Variants in MTAP observed in about 807,000 individuals in gnomAD.
The protein encoded by MTAP is S-methyl-5'-thioadenosine phosphorylase.
In MTAP, 33 loss-of-function variants were observed where a neutral mutation model predicts 33.6. The ratio of observed to expected loss-of-function variants is 0.98; its 90% CI spans 0.74 to 1.31. The LOEUF is 1.31. Ranked by LOEUF, MTAP falls within the 40% of genes most tolerant of loss-of-function variation. The pLI, the probability that MTAP is intolerant of heterozygous loss-of-function variation, is 0.00. For synonymous variants in MTAP, 148 were observed against 125.7 expected (o/e 1.18, Z -1.19); for missense variants, 367 against 360.0 (o/e 1.02, Z -0.16).
intron 4 of MTAP, among the ~76,000 whole-genome samples, chr9:21,820,566 A>G (rs902547738): frequency 3.3e-5 from 5 of 152,198 alleles, no homozygotes; most frequent in Non-Finnish European, 5.9e-5. Context: ...GTTTGAAGTC[A>G]GGTAGTGAGA....
intron 1 of MTAP, among the ~76,000 whole-genome samples, chr9:21,906,639 A>G (rs559062864): frequency 2.8e-4 from 43 of 152,338 alleles, no homozygotes; most frequent in Admixed American, 1.4e-3. Context: ...GCCAAATTAT[A>G]GAAACACTTA....
rs1024029427 is a variant in MTAP at position 21,885,822 on chromosome 9, A to G, written c.147+30952A>G. ...TGTGTGTGTGTGTGTGTGTGTGTGT[A>G]TACAGATCACATTTTCTTCATCCAC... On this transcript the variant is annotated intron_variant, in intron 1 of 1. Transcript: ENST00000577563. Among the ~76,000 whole-genome samples, 47 of 130,910 alleles carry G rather than the reference A, an allele frequency of 3.6e-4. No individual in the cohort carries two copies. The South Asian group carries it at 9.9e-3, about 28-fold the overall frequency. The allele number at this position is 130,910 out of a possible 152,430, so 85.9% of individuals were successfully genotyped here.
intron 1 of MTAP, chr9:21,929,817 G>A (rs1818927220): frequency 4.4e-6 from 1 of 227,134 alleles, no homozygotes; most frequent in Non-Finnish European, 9.0e-6. Context: ...ACTTTAATGG[G>A]AATAACCTCT....
At chr9:21,813,973 A>G (rs1172368160) in intron 1 of MTAP, 1 of 152,234 alleles carries the variant, frequency 6.6e-6, no homozygotes, top group Non-Finnish European at 1.5e-5. Flanking sequence ...GAAAGCTATA[A>G]TACTGGTTAC....
chr9:21,863,715 A>G lies in MTAP; in HGVS notation c.*1701A>G. On this transcript the variant is annotated 3_prime_UTR_variant, in exon 8 of 8. Coordinates refer to ENST00000644715, the MANE Select transcript of MTAP (RefSeq NM_002451.4). ...CTCAGAATTGTTTTCTTTTCACTGT[A>G]GGCTATTACAGGATACTTCAGGATC... 1 of 985,732 alleles carries G rather than the reference A, an allele frequency of 1.0e-6. No individual in the cohort carries two copies. Among genetic ancestry groups the G allele is most frequent in the Non-Finnish European group, 1.2e-6 (1 of 829,882 alleles). The allele number at this position is 985,732 out of a possible 1,614,324, so 61.1% of individuals were successfully genotyped here.
At chr9:21,898,254 C>A (rs11536713) in intron 1 of MTAP, among the ~76,000 whole-genome samples, 3 of 151,992 alleles carry the variant, frequency 2.0e-5, no homozygotes, top group African/African-American at 7.3e-5. Flanking sequence ...AAGACTTAAA[C>A]GTTAGACCTA....
intron 4 of MTAP, among the ~76,000 whole-genome samples, chr9:21,836,924 T>TC (rs1307569796): frequency 6.6e-6 from 1 of 152,156 alleles, no homozygotes; most frequent in Non-Finnish European, 1.5e-5. Context: ...CAGTGCTGCC[T>TC]CCCACCCCTG....
intron 5 of MTAP, among the ~76,000 whole-genome samples, chr9:21,854,379 G>C (rs1004758377): frequency 1.3e-5 from 2 of 152,186 alleles, no homozygotes; most frequent in African/African-American, 4.8e-5. Context: ...AAAGAGCTCA[G>C]TGCTTGCTTG....
intron 1 of MTAP, among the ~76,000 whole-genome samples, chr9:21,923,387 C>A (rs746943006): frequency 3.3e-5 from 5 of 152,148 alleles, no homozygotes; most frequent in Admixed American, 1.3e-4. Flanking sequence ...GTTAGCACCC[C>A]CTTTGGGAGG....
chr9:21,854,581 A>G, intron 5 of MTAP, 50 bp from the exon 6 acceptor site: 1 of 1,497,802 alleles, frequency 6.7e-7, no homozygotes, highest in Non-Finnish European at 8.9e-7. Flanking sequence ...TGCAGCCTTA[A>G]GTTGTGCATG....
intron 1 of MTAP, among the ~76,000 whole-genome samples, chr9:21,906,025 G>A (rs1818471591): frequency 6.6e-6 from 1 of 152,152 alleles, no homozygotes; most frequent in Non-Finnish European, 1.5e-5. Flanking sequence ...TTACAAATTG[G>A]CAGTATTTTT....
intron 7 of MTAP, 28 bp from the exon 8 acceptor site, chr9:21,861,948 A>C: frequency 7.8e-7 from 1 of 1,288,254 alleles, no homozygotes. Flanking sequence ...CAACATGTGA[A>C]TATCACTGCC....
At position 21,859,412 on chromosome 9, in the gene MTAP, T is replaced by A; in HGVS notation, c.800T>A (p.Leu267His). ...QIGSTEWSET[L>H]HNLKNMAQFS... ...GGGTCCACAGAATGGTCAGAAACCC[T>A]CCATAACCTGAAGGTAAGTGTCAGC... is the stretch of plus-strand genomic sequence containing the variant. The change falls in exon 7 of 8, where the codon CTC (leucine) becomes CAC (histidine). Residue 267 changes from leucine to histidine, a missense_variant. Leu to His is a moderately conservative substitution (Grantham distance 99, BLOSUM62 -3). Coordinates refer to ENST00000644715, the MANE Select transcript of MTAP (RefSeq NM_002451.4). The A allele has an allele frequency of 6.2e-7, 1 of 1,611,472 alleles. No individual in the cohort carries two copies. The highest frequency in any genetic ancestry group is 8.5e-7 in the Non-Finnish European group (1 of 1,179,112).
In MTAP at chr9:21,862,688, C is replaced by T. The variant is rs1426321498; in HGVS notation, c.*674C>T. 1 of 153,084 alleles carries T rather than the reference C, an allele frequency of 6.5e-6. No homozygotes were observed. Among genetic ancestry groups the T allele is most frequent in the East Asian group, 1.9e-4 (1 of 5,204 alleles). 9.5% of individuals were successfully genotyped at this position (153,084 alleles called of 1,614,324 possible). A position where few individuals can be genotyped will look rare whatever the true frequency, so the allele number is the denominator to read the frequency against. On this transcript the variant is annotated 3_prime_UTR_variant, in exon 8 of 8. Transcript: ENST00000644715. ...AATCCTTTTTGCATATTTCAATGTC[C>T]TAAAAAGACACGGTTGCTCTATATA...
intron 4 of MTAP, among the ~76,000 whole-genome samples, chr9:21,824,869 C>T (rs568698074): frequency 2.4e-3 from 360 of 152,236 alleles, no homozygotes; most frequent in Non-Finnish European, 3.8e-3. Flanking sequence ...TAGCAATAAG[C>T]GAGGCTCTGT....
chr9:21,818,317 C>CTTTTTTTTTTTTTTTTTTTTTTTTT lies in MTAP; in HGVS notation c.347+118_347+142dup, dbSNP rs35709813. ...GAGGGCAGTGCCACAGACTCGCTTG[C>CTTTTTTTTTTTTTTTTTTTTTTTTT]TTTTTTTTTTTTTTTTTTTTTTTTT... On this transcript the variant is annotated intron_variant, in intron 4 of 7. Coordinates refer to ENST00000644715, the MANE Select transcript of MTAP (RefSeq NM_002451.4). 9 of 206,102 alleles carry CTTTTTTTTTTTTTTTTTTTTTTTTT rather than the reference C, an allele frequency of 4.4e-5. 4 individuals carry two copies. Among genetic ancestry groups the CTTTTTTTTTTTTTTTTTTTTTTTTT allele is most frequent in the Admixed American group, 1.1e-4 (1 of 8,994 alleles). 12.8% of individuals were successfully genotyped at this position (206,102 alleles called of 1,614,324 possible).
At chr9:21,847,074 G>A (rs1370351613) in intron 5 of MTAP, among the ~76,000 whole-genome samples, 2 of 152,088 alleles carry the variant, frequency 1.3e-5, no homozygotes, top group Non-Finnish European at 2.9e-5. Context: ...AATATAAGCA[G>A]GCAGAAAAAT....
intron 1 of MTAP, among the ~76,000 whole-genome samples, chr9:21,805,285 G>A (rs992878086): frequency 6.6e-6 from 1 of 152,180 alleles, no homozygotes; most frequent in Non-Finnish European, 1.5e-5. Flanking sequence ...ACTGAGTTTT[G>A]GATTGGCAGT....
rs115268444 is a variant in MTAP, at chr9:21,810,231, A to G, written c.34-5202A>G. ...TAAGGTCAGTCTGCTTGGCTTGTAC[A>G]TGGCAATGTTCTCCATTTGTCTTCA... On this transcript the variant is annotated intron_variant, in intron 1 of 7. Coordinates refer to ENST00000644715, the MANE Select transcript of MTAP (RefSeq NM_002451.4). Among the ~76,000 whole-genome samples the G allele has an allele frequency of 3.9e-3, 595 of 152,290 alleles. 7 individuals carry two copies. The highest frequency in any genetic ancestry group is 0.014 in the African/African-American group (568 of 41,556).
Sources: allele counts gnomAD v4.1 joint callset (sites outside exome capture counted in the v4.1 genomes callset), GRCh38; gene constraint gnomAD v4.1.1; transcripts MANE v1.5; gene names NCBI Gene and HGNC (gene_info 2026-07-23, HGNC 2026-07-21).